Variants in ARHGAP15 observed in about 807,000 individuals in gnomAD.
ARHGAP15 encodes rho GTPase-activating protein 15.
ARHGAP15 carries 51 observed loss-of-function variants against 63.7 expected under a neutral mutation model. The observed-to-expected ratio is 0.80, with a 90% CI of 0.64 to 1.01. The LOEUF (loss-of-function observed/expected upper bound fraction) is 1.01, where lower values mean the gene tolerates loss of function less well. Ranked by LOEUF, ARHGAP15 falls within the 50% of genes least tolerant of loss-of-function variation. The pLI is 0.00. For missense variants in ARHGAP15, 560 were observed against 564.6 expected, an observed-to-expected ratio of 0.99 and a Z score of 0.08; for synonymous variants, 191 against 193.8, an observed-to-expected ratio of 0.99 and a Z score of 0.12.
At chr2:143,414,285 C>T (rs866169065) in intron 6 of ARHGAP15, among the ~76,000 whole-genome samples, 6 of 151,390 alleles carry the variant, frequency 4.0e-5, no homozygotes, top group African/African-American at 1.5e-4. Context: ...AAAGCTGTTC[C>T]CTTAAAAAGA....
chr2:143,766,861 C>A (rs1157109904), intron 13 of ARHGAP15: 1 of 152,134 alleles, frequency 6.6e-6, no homozygotes, highest in Non-Finnish European at 1.5e-5. Context: ...TAAGCAGGGA[C>A]TACTATAATA....
At chr2:143,748,243 G>A (rs1041363771) in intron 13 of ARHGAP15, among the ~76,000 whole-genome samples, 1 of 152,016 alleles carries the variant, frequency 6.6e-6, no homozygotes, top group African/African-American at 2.4e-5. Flanking sequence ...TGGTTACACT[G>A]TTAATTATGT....
At chr2:143,150,547 T>G (rs952593674) in intron 1 of ARHGAP15, among the ~76,000 whole-genome samples, 1 of 152,056 alleles carries the variant, frequency 6.6e-6, no homozygotes, top group Non-Finnish European at 1.5e-5. Flanking sequence ...ATTCTTGCTC[T>G]TCTGTTGGTA....
chr2:143,416,975 T>C (rs1412785341), intron 6 of ARHGAP15, among the ~76,000 whole-genome samples: 1 of 152,100 alleles, frequency 6.6e-6, no homozygotes, highest in Non-Finnish European at 1.5e-5. Flanking sequence ...TCAGGGATTC[T>C]GGCAGGCGTT....
At chr2:143,247,724 A>T (rs1694097500) in intron 5 of ARHGAP15, among the ~76,000 whole-genome samples, 1 of 152,214 alleles carries the variant, frequency 6.6e-6, no homozygotes, top group African/African-American at 2.4e-5. Context: ...TGGGTAACAC[A>T]TTGACACATA....
chr2:143,144,471 A>C (rs1689497676), intron 1 of ARHGAP15, among the ~76,000 whole-genome samples: 1 of 152,044 alleles, frequency 6.6e-6, no homozygotes, highest in African/African-American at 2.4e-5. Context: ...TAAGCAAAGA[A>C]AAAGTAAAAA....
chr2:143,317,933 T>C (rs1023035994), intron 6 of ARHGAP15, among the ~76,000 whole-genome samples: 2 of 138,072 alleles, frequency 1.4e-5, no homozygotes, highest in Non-Finnish European at 3.1e-5. Flanking sequence ...CATAGGGTTT[T>C]TGTTTTGTTT....
intron 10 of ARHGAP15, among the ~76,000 whole-genome samples, chr2:143,534,615 A>G (rs2105024961): frequency 6.6e-6 from 1 of 152,324 alleles, no homozygotes; most frequent in East Asian, 1.9e-4. Flanking sequence ...AAAGTGGCTC[A>G]TGCCTACAAT....
chr2:143,641,532 G>A (rs1680600177), intron 12 of ARHGAP15, among the ~76,000 whole-genome samples: 1 of 152,084 alleles, frequency 6.6e-6, no homozygotes, highest in Admixed American at 6.6e-5. Flanking sequence ...GTTACTTCAG[G>A]AGATTAATTA....
intron 12 of ARHGAP15, among the ~76,000 whole-genome samples, chr2:143,666,489 C>A (rs1033486008): frequency 2.7e-5 from 4 of 149,622 alleles, no homozygotes; most frequent in Non-Finnish European, 3.0e-5. Flanking sequence ...TAGGCATTAC[C>A]ATTCAGGACA....
At chr2:143,256,146 C>A (rs993105707) in intron 6 of ARHGAP15, among the ~76,000 whole-genome samples, 5 of 152,108 alleles carry the variant, frequency 3.3e-5, no homozygotes, top group African/African-American at 1.2e-4. Context: ...TGAAGCAATC[C>A]TGTATGTTTG....
chr2:143,579,155 A>G (rs1325026845), intron 11 of ARHGAP15, among the ~76,000 whole-genome samples: 3 of 152,200 alleles, frequency 2.0e-5, no homozygotes, highest in Non-Finnish European at 4.4e-5. Context: ...TTGTGTATTC[A>G]AATACAATGT....
Position 143,201,639 on chromosome 2 carries a change from T to C in ARHGAP15, c.166-495T>C, listed in dbSNP as rs1388805005. 2.6e-5 allele frequency among the ~76,000 whole-genome samples: 4 copies of C among 152,244 alleles called. No homozygotes were observed. The East Asian group carries it at 7.7e-4, about 29-fold the overall frequency. ...CAAGCTTGGTGGTTGATGCTGGCTG[T>C]CTGCTGGAACCTCAGCCTTTCTATC... On this transcript the variant is annotated intron_variant, in intron 2 of 13. Coordinates refer to ENST00000295095, the MANE Select transcript of ARHGAP15 (RefSeq NM_018460.4).
At chr2:143,392,637 A>G (rs554137234) in intron 6 of ARHGAP15, among the ~76,000 whole-genome samples, 1 of 152,332 alleles carries the variant, frequency 6.6e-6, no homozygotes, top group Admixed American at 6.5e-5. Flanking sequence ...CAGCAGCTTG[A>G]AGTAATGCTA....
chr2:143,518,778 G>C (rs1693933131), intron 9 of ARHGAP15: 1 of 152,980 alleles, frequency 6.5e-6, no homozygotes, highest in Non-Finnish European at 1.5e-5. Context: ...CAGGAGAAAT[G>C]CTAAGTAATT....
At chr2:143,545,228 G>C (rs1029171677) in intron 10 of ARHGAP15, among the ~76,000 whole-genome samples, 1 of 152,146 alleles carries the variant, frequency 6.6e-6, no homozygotes, top group Non-Finnish European at 1.5e-5. Context: ...GCAGAGGCAA[G>C]CCATCAAAAC....
intron 5 of ARHGAP15, among the ~76,000 whole-genome samples, chr2:143,229,621 G>A (rs933183104): frequency 6.6e-6 from 1 of 152,086 alleles, no homozygotes; most frequent in African/African-American, 2.4e-5. Context: ...ACAGCCCATC[G>A]GCCTGATGGA....
intron 6 of ARHGAP15, among the ~76,000 whole-genome samples, chr2:143,291,128 C>T (rs1682377648): frequency 6.6e-6 from 1 of 152,066 alleles, no homozygotes; most frequent in African/African-American, 2.4e-5. Context: ...CTGTTTCAAA[C>T]AGATTTGACT....
chr2:143,493,918 T>C (rs1692699733), intron 9 of ARHGAP15, among the ~76,000 whole-genome samples: 1 of 152,224 alleles, frequency 6.6e-6, no homozygotes, highest in South Asian at 2.1e-4. Flanking sequence ...CCATTGCCTG[T>C]CCAACACTGA....
Sources: gnomAD v4.1 joint callset for allele counts (sites outside exome capture counted in the v4.1 genomes callset) on GRCh38, gnomAD v4.1.1 for gene constraint, MANE v1.5 for transcripts, NCBI Gene and HGNC (gene_info 2026-07-23, HGNC 2026-07-21) for gene names.